The following PRDM12 variants were observed in gnomAD, a reference collection of about 807,000 sequenced individuals.
PRDM12 encodes the protein PR domain zinc finger protein 12.
Under a neutral mutation model 29.6 loss-of-function variants are expected in PRDM12, and 17 were observed. The observed-to-expected ratio is 0.57, with a 90% confidence interval of 0.39 to 0.86. PRDM12 has a LOEUF of 0.86. Ranked by LOEUF, PRDM12 falls within the 40% of genes least tolerant of loss-of-function variation. The probability of loss-of-function intolerance (pLI) is 0.00; values close to 1 mark genes in which losing one functional copy is unlikely to be tolerated. For missense variants in PRDM12, 422 were observed against 510.8 expected, an observed-to-expected ratio of 0.83 and a Z score of 1.68; for synonymous variants, 231 against 225.8, an observed-to-expected ratio of 1.02 and a Z score of -0.21.
chr9:130,681,423 G>C lies in PRDM12; in HGVS notation c.858G>C (p.Leu286=). ...GCCGCTTCAGCCAGTCGTCCACGCT[G>C]CGCAACCACGTGCGCCTGCACACGG... is the stretch of plus-strand genomic sequence containing the variant. The part of the protein sequence containing the change: ...CNRRFSQSST[L]RNHVRLHTGE... The change falls in exon 5 of 5, where the codon CTG becomes CTC. Residue 286 remains leucine, a synonymous_variant. Coordinates refer to ENST00000253008, the MANE Select transcript of PRDM12 (RefSeq NM_021619.3). This position sits in a 1 kb window ranked among gnomAD's most constrained non-coding sequence, Gnocchi z 8.1. The C allele has an allele frequency of 1.3e-6, 2 of 1,599,276 alleles. No homozygotes were observed. The highest frequency in any genetic ancestry group is 1.7e-5 in the Admixed American group (1 of 59,448).
At chr9:130,680,665 T>TCAG (rs1830891667) in intron 4 of PRDM12, among the ~76,000 whole-genome samples, 2 of 112,578 alleles carry the variant, frequency 1.8e-5, no homozygotes, top group African/African-American at 7.6e-5. Flanking sequence ...ATATATTTTT[T>TCAG]TTTTTTTTAA....
At chr9:130,669,314 G>A (rs1001842418) in intron 3 of PRDM12, among the ~76,000 whole-genome samples, 9 of 151,884 alleles carry the variant, frequency 5.9e-5, no homozygotes, top group Admixed American at 2.6e-4. Flanking sequence ...GCGACAGAGC[G>A]AGACTGCATC....
chr9:130,667,479 G>A (rs185065502), intron 2 of PRDM12, among the ~76,000 whole-genome samples: 7 of 152,222 alleles, frequency 4.6e-5, no homozygotes, highest in Admixed American at 1.3e-4. Context: ...ACTGAGGCCA[G>A]ACTGGTGCAC....
intron 1 of PRDM12, 46 bp from the exon 2 acceptor site, chr9:130,666,562 C>A: frequency 1.3e-6 from 2 of 1,579,196 alleles, no homozygotes; most frequent in Non-Finnish European, 1.7e-6. Flanking sequence ...GGCCGGGCCT[C>A]GGCTGCCTCG....
rs553850519 is a variant in PRDM12, at chr9:130,666,529, C to T, written c.224-79C>T. ...TGGCTGGTCTGGGCAGGACCGAAGC[C>T]GGGGTCCCGGCGGGGAAGGAAGGGC... is the stretch of plus-strand genomic sequence containing the variant. On this transcript the variant is annotated intron_variant, in intron 1 of 4. Transcript: ENST00000253008. 2.7e-5 allele frequency: 41 copies of T among 1,546,996 alleles called. No homozygotes were observed. In the South Asian group the frequency reaches 4.1e-4, roughly 15 times the overall value.
chr9:130,668,139 T>A lies in PRDM12; in HGVS notation c.415-19T>A. On this transcript the variant is annotated intron_variant, in intron 2 of 4. Transcript: ENST00000253008. The surrounding 1 kb of genome is among the most constrained non-coding windows in gnomAD (Gnocchi z 4.0). Reference sequence around the variant, plus strand: ...GGCATAGCCCTGCCTTACCTGGTCCTTGATCCATCTGTGCCCAGGTGTTCA... The same window carrying A: ...GGCATAGCCCTGCCTTACCTGGTCCATGATCCATCTGTGCCCAGGTGTTCA... 6.2e-7 allele frequency: 1 copy of A among 1,613,744 alleles called. No individual in the cohort carries two copies. Among genetic ancestry groups the A allele is most frequent in the South Asian group, 1.1e-5 (1 of 91,078 alleles).
At chr9:130,667,907 G>A (rs926662695) in intron 2 of PRDM12, among the ~76,000 whole-genome samples, 2 of 152,162 alleles carry the variant, frequency 1.3e-5, no homozygotes, top group Non-Finnish European at 1.5e-5. Context: ...GGGAGGACAC[G>A]GCAACAGGAG....
At position 130,681,758 on chromosome 9, in the gene PRDM12, C is replaced by G; in HGVS notation, c.*89C>G. 5.2e-6 allele frequency: 5 copies of G among 963,210 alleles called. No homozygotes were observed. Among genetic ancestry groups the G allele is most frequent in the Non-Finnish European group, 6.2e-6 (5 of 810,086 alleles). The allele number at this position is 963,210 out of a possible 1,614,324, so 59.7% of individuals were successfully genotyped here. A position where few individuals can be genotyped will look rare whatever the true frequency, so the allele number is the denominator to read the frequency against. On this transcript the variant is annotated 3_prime_UTR_variant, in exon 5 of 5. Transcript: ENST00000253008. This position sits in a 1 kb window ranked among gnomAD's most constrained non-coding sequence, Gnocchi z 8.1. ...GCGACTCGCCCTCCAGCCCCAACCCCCGGCCCGGCGCCGCCGCGGAGCCCC... is the reference window on the plus strand; with the variant it reads ...GCGACTCGCCCTCCAGCCCCAACCCGCGGCCCGGCGCCGCCGCGGAGCCCC...
chr9:130,670,309 TG>T (rs1472598211), intron 3 of PRDM12, among the ~76,000 whole-genome samples: 1 of 151,986 alleles, frequency 6.6e-6, no homozygotes, highest in Non-Finnish European at 1.5e-5. Context: ...CTAAGACCCC[TG>T]GGGGTGCCAG....
At chr9:130,678,466 G>GT in intron 3 of PRDM12, 63 bp from the exon 4 acceptor site, 1 of 1,235,184 alleles carries the variant, frequency 8.1e-7, no homozygotes, top group African/African-American at 1.5e-5. Context: ...GGTGCTCAGA[G>GT]ACCCCCAACT....
At position 130,682,688 on chromosome 9, in the gene PRDM12, A is replaced by C. The variant is rs530580265; in HGVS notation, c.*1019A>C. Reference sequence around the variant, plus strand: ...TCCCTCGGTCCCTGCCCGTTTCCTCAAATTCGGGCCGTGCGCGCCCTCTGG... The same window carrying C: ...TCCCTCGGTCCCTGCCCGTTTCCTCCAATTCGGGCCGTGCGCGCCCTCTGG... On this transcript the variant is annotated 3_prime_UTR_variant, in exon 5 of 5. Transcript: ENST00000253008. The surrounding 1 kb of genome is among the most constrained non-coding windows in gnomAD (Gnocchi z 4.2). 38 of 152,498 alleles carry C rather than the reference A, an allele frequency of 2.5e-4. No homozygotes were observed. Among genetic ancestry groups the C allele is most frequent in the Admixed American group, 2.3e-3 (35 of 15,288 alleles). 9.4% of individuals were successfully genotyped at this position (152,498 alleles called of 1,614,324 possible).
intron 4 of PRDM12, among the ~76,000 whole-genome samples, chr9:130,680,659 A>ATATATATATAT: frequency 8.2e-4 from 59 of 72,170 alleles, no homozygotes; most frequent in African/African-American, 3.7e-3. Flanking sequence ...ATATATATAT[A>ATATATATATAT]TTTTTTTTTT....
chr9:130,664,596 CG>C lies in PRDM12; in HGVS notation c.-57del. 1 of 1,399,878 alleles carries C rather than the reference CG, an allele frequency of 7.1e-7. No homozygotes were observed. The highest frequency in any genetic ancestry group is 9.5e-7 in the Non-Finnish European group (1 of 1,053,496). 86.7% of individuals were successfully genotyped at this position (1,399,878 alleles called of 1,614,324 possible). A position where few individuals can be genotyped will look rare whatever the true frequency, so the allele number is the denominator to read the frequency against. ...TCGCCCCTTGGGCTCCCCTCTCGCC[CG>C]CCCACCTCCCCCGTCGGCCCGGCCG... On this transcript the variant is annotated 5_prime_UTR_variant, in exon 1 of 5. Transcript: ENST00000253008. This position sits in a 1 kb window ranked among gnomAD's most constrained non-coding sequence, Gnocchi z 6.4.
chr9:130,668,663 G>A lies in PRDM12; in HGVS notation c.570+350G>A, dbSNP rs558899938. Among the ~76,000 whole-genome samples, 1 of 152,278 alleles carries A rather than the reference G, an allele frequency of 6.6e-6. No individual in the cohort carries two copies. Among genetic ancestry groups the A allele is most frequent in the Non-Finnish European group, 1.5e-5 (1 of 68,016 alleles). On this transcript the variant is annotated intron_variant, in intron 3 of 4. Coordinates refer to ENST00000253008, the MANE Select transcript of PRDM12 (RefSeq NM_021619.3). The surrounding 1 kb of genome is among the most constrained non-coding windows in gnomAD (Gnocchi z 4.0). ...ACAGAGACACAGAGAAGCAAGATGG[G>A]GAGAGGCGGCCCAGGGAATGCGTTG...
intron 3 of PRDM12, among the ~76,000 whole-genome samples, chr9:130,672,631 G>C (rs960343436): frequency 7.2e-5 from 11 of 152,216 alleles, no homozygotes; most frequent in African/African-American, 2.7e-4. Flanking sequence ...GCCCATCTGA[G>C]CCCTGAGCTG....
intron 3 of PRDM12, among the ~76,000 whole-genome samples, chr9:130,674,982 C>T (rs1369269855): frequency 1.3e-5 from 2 of 152,236 alleles, no homozygotes; most frequent in South Asian, 2.1e-4. Context: ...CAAGTTCAGG[C>T]GATTCTCCTG....
At chr9:130,677,172 G>A (rs146220003) in intron 3 of PRDM12, among the ~76,000 whole-genome samples, 1,806 of 152,178 alleles carry the variant, frequency 0.012, 34 homozygotes, top group African/African-American at 0.041. Flanking sequence ...TAATCCACCC[G>A]CCTCAGCCTC....
In PRDM12 at chr9:130,668,419, C is replaced by A; in HGVS notation, c.570+106C>A. 7.8e-6 allele frequency: 12 copies of A among 1,537,848 alleles called. No individual in the cohort carries two copies. The highest frequency in any genetic ancestry group is 9.7e-6 in the Non-Finnish European group (11 of 1,128,310). On this transcript the variant is annotated intron_variant, in intron 3 of 4. Coordinates refer to ENST00000253008, the MANE Select transcript of PRDM12 (RefSeq NM_021619.3). The surrounding 1 kb of genome is among the most constrained non-coding windows in gnomAD (Gnocchi z 4.0). ...AGGAACCACAGTGGACAGAGGGGAG[C>A]TGACACTGGCCTCGCTGGCTCTGCG...
Position 130,676,206 on chromosome 9 carries a change from A to C in PRDM12, c.571-2323A>C, listed in dbSNP as rs1830840464. On this transcript the variant is annotated intron_variant, in intron 3 of 4. Coordinates refer to ENST00000253008, the MANE Select transcript of PRDM12 (RefSeq NM_021619.3). ...TTTTTAAAAATGTAAAAAACAAAAA[A>C]AAAGCTGGGCGCGGTGGCTCACACC... Among the ~76,000 whole-genome samples the C allele has an allele frequency of 2.0e-5, 3 of 152,190 alleles. No homozygotes were observed. In the South Asian group the frequency reaches 6.2e-4, roughly 31 times the overall value.
Sources: gnomAD v4.1 joint callset for allele counts (sites outside exome capture counted in the v4.1 genomes callset) on GRCh38, gnomAD v4.1.1 for gene constraint, Gnocchi (gnomAD v3.1) non-coding constraint, MANE v1.5 for transcripts, NCBI Gene and HGNC (gene_info 2026-07-23, HGNC 2026-07-21) for gene names.